The following COL27A1 variants were observed in gnomAD, a reference collection of about 807,000 sequenced individuals.
COL27A1 encodes collagen alpha-1(XXVII) chain.
In COL27A1, 106 loss-of-function variants were observed where a neutral mutation model predicts 251.3. The ratio of observed to expected loss-of-function variants is 0.42; its 90% CI spans 0.36 to 0.50. COL27A1 has a LOEUF of 0.50. Among genes scored for constraint, COL27A1 ranks in the 20% least tolerant of loss-of-function variants. The pLI is 0.00. For missense variants in COL27A1, 2,325 were observed against 2,522.8 expected (o/e 0.92, Z 1.68); for synonymous variants, 1,000 against 986.3 (o/e 1.01, Z -0.26).
At chr9:114,220,226 C>G (rs951393894) in intron 13 of COL27A1, among the ~76,000 whole-genome samples, 1 of 152,126 alleles carries the variant, frequency 6.6e-6, no homozygotes, top group African/African-American at 2.4e-5. Flanking sequence ...GTCTGCAGGC[C>G]GTGTTTGGAG....
intron 18 of COL27A1, 126 bp from the exon 19 acceptor site, chr9:114,237,536 T>C: frequency 1.3e-6 from 1 of 794,306 alleles, no homozygotes; most frequent in Non-Finnish European, 2.2e-6. Context: ...CTTCTAGTTG[T>C]CCAGGCAGAT....
rs1832014204 is a variant in COL27A1, at chr9:114,232,179, G to C, written c.2565+313G>C. ...TGAGGCCAGCATCTGGGATTTGAAG[G>C]CAAAGCCACAGAGCAAGGAGGGTGG... On this transcript the variant is annotated intron_variant, in intron 16 of 60. Coordinates refer to ENST00000356083, the MANE Select transcript of COL27A1 (RefSeq NM_032888.4). Among the ~76,000 whole-genome samples, 3 of 152,176 alleles carry C rather than the reference G, an allele frequency of 2.0e-5. No individual in the cohort carries two copies. In the South Asian group the frequency reaches 6.2e-4, roughly 32 times the overall value.
chr9:114,211,151 G>A (rs1206461837), intron 12 of COL27A1, 125 bp downstream of exon 12: 35 of 999,714 alleles, frequency 3.5e-5, no homozygotes, highest in South Asian at 6.9e-5. Flanking sequence ...TGTGGGGGCC[G>A]CATGTGGGGT....
intron 50 of COL27A1, 99 bp downstream of exon 50, chr9:114,300,222 A>G (rs1828524329): frequency 7.7e-7 from 1 of 1,295,516 alleles, no homozygotes; most frequent in Admixed American, 1.8e-5. Flanking sequence ...CACTGAAAAC[A>G]TTGGCTGGAA....
At chr9:114,256,974 G>A (rs778999587) in intron 27 of COL27A1, among the ~76,000 whole-genome samples, 54 of 152,188 alleles carry the variant, frequency 3.5e-4, no homozygotes, top group Non-Finnish European at 6.5e-4. Flanking sequence ...CCATCCGGGA[G>A]TCAGAACTGC....
At chr9:114,209,837 G>C (rs1318039466) in intron 11 of COL27A1, 109 bp downstream of exon 11, 1 of 1,020,020 alleles carries the variant, frequency 9.8e-7, no homozygotes, top group Non-Finnish European at 1.5e-6. Context: ...CCTGGAGGAG[G>C]TGCACTTGAG....
intron 27 of COL27A1, among the ~76,000 whole-genome samples, chr9:114,257,893 C>T (rs1648778738): frequency 6.6e-6 from 1 of 152,126 alleles, no homozygotes; most frequent in African/African-American, 2.4e-5. Flanking sequence ...TTGAGGAGAC[C>T]TTTTGTCATA....
rs1034484323 is a variant in COL27A1 at position 114,209,348 on chromosome 9, G to C, written c.2269-327G>C. 1.2e-5 allele frequency: 7 copies of C among 606,468 alleles called. No individual in the cohort carries two copies. The African/African-American group carries it at 1.3e-4, about 11-fold the overall frequency. 37.6% of individuals were successfully genotyped at this position (606,468 alleles called of 1,614,324 possible). A position where few individuals can be genotyped will look rare whatever the true frequency, so the allele number is the denominator to read the frequency against. On this transcript the variant is annotated intron_variant, in intron 10 of 60. Coordinates refer to ENST00000356083, the MANE Select transcript of COL27A1 (RefSeq NM_032888.4). The stretch of plus-strand genomic sequence containing the variant: ...GTGGGCAGGGCTTGGTGCCGTGCTA[G>C]CATCTAACCCAGCCGCGAGCTTCCT...
intron 5 of COL27A1, among the ~76,000 whole-genome samples, chr9:114,193,821 C>T (rs1828913532): frequency 6.6e-6 from 1 of 151,966 alleles, no homozygotes; most frequent in Non-Finnish European, 1.5e-5. Flanking sequence ...TCTCAGAAAC[C>T]CCTGAGAGCC....
chr9:114,270,928 G>C, intron 36 of COL27A1, 147 bp downstream of exon 36: 1 of 684,516 alleles, frequency 1.5e-6, no homozygotes, highest in Non-Finnish European at 2.5e-6. Flanking sequence ...CTTGGGGAAG[G>C]GTCAGCAGTG....
chr9:114,249,016 G>A (rs1289257541), intron 24 of COL27A1, among the ~76,000 whole-genome samples: 1 of 152,142 alleles, frequency 6.6e-6, no homozygotes, highest in Admixed American at 6.5e-5. Context: ...TCTACGCATC[G>A]TGCACCATCT....
chr9:114,232,719 GCGCCATCTGAGTGTA>G (rs1832055685), intron 16 of COL27A1, among the ~76,000 whole-genome samples: 1 of 152,152 alleles, frequency 6.6e-6, no homozygotes, highest in South Asian at 2.1e-4. Flanking sequence ...GCCATGCTGG[GCGCCATCTGAGTGTA>G]CCACATGGAT....
At position 114,219,788 on chromosome 9, in the gene COL27A1, C is replaced by T. The variant is rs748146833; in HGVS notation, c.2368-3C>T. The T allele has an allele frequency of 6.2e-6, 10 of 1,605,878 alleles. No individual in the cohort carries two copies. In the South Asian group the frequency reaches 1.1e-4, roughly 18 times the overall value. On this transcript the variant is annotated splice_region_variant and splice_polypyrimidine_tract_variant and intron_variant, in intron 12 of 60. Transcript: ENST00000356083. ...GATGTTTGTTCTCTCTCATGCCCTC[C>T]AGGGGTTTCCTGGAGTCTTTGGGGA...
intron 27 of COL27A1, among the ~76,000 whole-genome samples, chr9:114,253,426 AAAG>A (rs1275137021): frequency 3.1e-4 from 42 of 137,188 alleles, no homozygotes; most frequent in East Asian, 5.2e-4. Context: ...AGAGGAGAAA[AAAG>A]AGGAGGGAGG....
At chr9:114,231,239 G>A in intron 15 of COL27A1, 107 bp downstream of exon 15, 1 of 1,055,632 alleles carries the variant, frequency 9.5e-7, no homozygotes, top group South Asian at 1.5e-5. Flanking sequence ...GGGGAAGGGA[G>A]GATGGCAGGA....
chr9:114,304,305 G>C lies in COL27A1; in HGVS notation c.4873-303G>C, dbSNP rs1419574390. ...AAGTACTATAGTGCGGCTGGTGCCA[G>C]AGCACATATGAGGGAGAGGAAGGAG... On this transcript the variant is annotated intron_variant, in intron 56 of 60. Transcript: ENST00000356083. Among the ~76,000 whole-genome samples, 3 of 152,358 alleles carry C rather than the reference G, an allele frequency of 2.0e-5. No individual in the cohort carries two copies. The East Asian group carries it at 5.8e-4, about 29-fold the overall frequency.
At chr9:114,234,144 C>A (rs1188261158) in intron 16 of COL27A1, among the ~76,000 whole-genome samples, 2 of 149,410 alleles carry the variant, frequency 1.3e-5, no homozygotes, top group African/African-American at 5.0e-5. Flanking sequence ...TCCTAGGTGC[C>A]TTTTAAACTT....
chr9:114,302,732 A>C (rs554761351), intron 56 of COL27A1, among the ~76,000 whole-genome samples: 28 of 151,958 alleles, frequency 1.8e-4, no homozygotes, highest in Non-Finnish European at 2.7e-4. Flanking sequence ...AAAACAAAAA[A>C]AAAAAAAAAC....
intron 14 of COL27A1, among the ~76,000 whole-genome samples, chr9:114,222,624 G>C (rs1184301544): frequency 1.3e-5 from 2 of 152,182 alleles, no homozygotes; most frequent in Non-Finnish European, 2.9e-5. Flanking sequence ...CTGCAAGGAG[G>C]TGTGGGCAAG....
Sources: allele counts gnomAD v4.1 joint callset (sites outside exome capture counted in the v4.1 genomes callset), GRCh38; gene constraint gnomAD v4.1.1; transcripts MANE v1.5; gene names NCBI Gene and HGNC (gene_info 2026-07-23, HGNC 2026-07-21).